DLEU7: variants seen among roughly 807,000 people sequenced by gnomAD.
DLEU7 encodes deleted in lymphocytic leukemia 7, also known as leukemia-associated protein 7.
In DLEU7, 17 loss-of-function variants were observed where a neutral mutation model predicts 16.0. The observed-to-expected ratio is 1.06, with a 90% confidence interval of 0.73 to 1.59. DLEU7 has a LOEUF of 1.59. Ranked by LOEUF, DLEU7 falls within the 40% of genes most tolerant of loss-of-function variation. The probability of loss-of-function intolerance (pLI) is 0.00; values close to 1 mark genes in which losing one functional copy is unlikely to be tolerated. For synonymous variants in DLEU7, 113 were observed against 139.8 expected, an observed-to-expected ratio of 0.81 and a Z score of 1.35; for missense variants, 308 against 314.9, an observed-to-expected ratio of 0.98 and a Z score of 0.17.
At chr13:50,811,103 A>T (rs1326154911) in intron 1 of DLEU7, among the ~76,000 whole-genome samples, 1 of 152,164 alleles carries the variant, frequency 6.6e-6, no homozygotes, top group Admixed American at 6.5e-5. Context: ...AGCTGGAAGC[A>T]CCTACCAGGG....
intron 1 of DLEU7, among the ~76,000 whole-genome samples, chr13:50,740,059 A>T (rs750431541): frequency 9.2e-5 from 14 of 152,152 alleles, no homozygotes; most frequent in Non-Finnish European, 1.6e-4. Context: ...CTTAGTCCTG[A>T]CAGGAATTTA....
chr13:50,733,019 C>T (rs759269356), intron 1 of DLEU7, among the ~76,000 whole-genome samples: 6 of 152,112 alleles, frequency 3.9e-5, no homozygotes, highest in Non-Finnish European at 5.9e-5. Context: ...GGTTATCAAA[C>T]GCACACGCAT....
intron 1 of DLEU7, among the ~76,000 whole-genome samples, chr13:50,719,389 T>A (rs1248094709): frequency 1.3e-5 from 2 of 152,194 alleles, no homozygotes; most frequent in African/African-American, 4.8e-5. Flanking sequence ...TTGGCAGAGG[T>A]GCAAATTCTT....
At chr13:50,738,571 AC>A in intron 1 of DLEU7, among the ~76,000 whole-genome samples, 1 of 152,276 alleles carries the variant, frequency 6.6e-6, no homozygotes, top group Middle Eastern at 3.4e-3. Context: ...AATGACAAGA[AC>A]CTGCCTGATT....
At chr13:50,740,525 A>C (rs1566234759) in intron 1 of DLEU7, among the ~76,000 whole-genome samples, 1 of 152,164 alleles carries the variant, frequency 6.6e-6, no homozygotes, top group Non-Finnish European at 1.5e-5. Flanking sequence ...AAAACTTCAC[A>C]AAACAGTATA....
Position 50,843,055 on chromosome 13 carries a change from CACTGGGGCTGAATCA to C in DLEU7, c.459+118_459+132del. The C allele has an allele frequency of 1.1e-6, 1 of 945,060 alleles. No homozygotes were observed. Among genetic ancestry groups the C allele is most frequent in the East Asian group, 3.3e-5 (1 of 30,314 alleles). 58.5% of individuals were successfully genotyped at this position (945,060 alleles called of 1,614,324 possible). ...GTGTCCCCCGCCCCCTTCCTTCTCC[CACTGGGGCTGAATCA>C]CAGTGGGCAGCAGTGTTTGGGATCC... On this transcript the variant is annotated intron_variant, in intron 1 of 1. Transcript: ENST00000504404. The surrounding 1 kb of genome is among the most constrained non-coding windows in gnomAD (Gnocchi z 5.7).
chr13:50,721,424 T>A (rs1166082315), intron 1 of DLEU7, among the ~76,000 whole-genome samples: 1 of 152,106 alleles, frequency 6.6e-6, no homozygotes, highest in Non-Finnish European at 1.5e-5. Flanking sequence ...CACATATACA[T>A]CTATCTTATT....
chr13:50,791,356 C>A (rs1247088072), intron 1 of DLEU7, among the ~76,000 whole-genome samples: 1 of 152,122 alleles, frequency 6.6e-6, no homozygotes, highest in African/African-American at 2.4e-5. Flanking sequence ...CAGGAGGTGA[C>A]CATGTGAGGT....
At chr13:50,836,212 G>A (rs1877454800) in intron 1 of DLEU7, among the ~76,000 whole-genome samples, 1 of 152,160 alleles carries the variant, frequency 6.6e-6, no homozygotes, top group Non-Finnish European at 1.5e-5. Context: ...GCCTCCACAA[G>A]CTTGTTTCTT....
intron 1 of DLEU7, among the ~76,000 whole-genome samples, chr13:50,791,030 G>A (rs562558241): frequency 3.7e-4 from 57 of 152,262 alleles, no homozygotes; most frequent in Admixed American, 1.9e-3. Flanking sequence ...TAAGAAGACC[G>A]AGTGGGCGAG....
chr13:50,721,952 T>A (rs1873630423), intron 1 of DLEU7, among the ~76,000 whole-genome samples: 1 of 152,148 alleles, frequency 6.6e-6, no homozygotes. Flanking sequence ...CATTCATTCT[T>A]CAAATATATG....
chr13:50,767,785 C>T (rs1875166239), intron 1 of DLEU7, among the ~76,000 whole-genome samples: 1 of 152,164 alleles, frequency 6.6e-6, no homozygotes, highest in East Asian at 1.9e-4. Context: ...CAGAAAGCTC[C>T]AGGAGACACC....
intron 1 of DLEU7, among the ~76,000 whole-genome samples, chr13:50,744,076 G>T (rs886080128): frequency 8.5e-5 from 13 of 152,158 alleles, no homozygotes; most frequent in African/African-American, 3.1e-4. Flanking sequence ...ATATGCTTCT[G>T]TTCCCATTTG....
intron 1 of DLEU7, among the ~76,000 whole-genome samples, chr13:50,749,699 G>A (rs991320232): frequency 2.6e-5 from 4 of 152,034 alleles, no homozygotes; most frequent in Admixed American, 6.5e-5. Flanking sequence ...GTAATGTTGA[G>A]CATTTTTTCA....
chr13:50,723,766 A>C (rs1873687232), intron 1 of DLEU7, among the ~76,000 whole-genome samples: 3 of 151,942 alleles, frequency 2.0e-5, no homozygotes, highest in Admixed American at 6.6e-5. Context: ...ATCACATTGG[A>C]GCTTAGGGCT....
chr13:50,764,937 C>T (rs1779239303), intron 1 of DLEU7, among the ~76,000 whole-genome samples: 1 of 151,998 alleles, frequency 6.6e-6, no homozygotes, highest in Non-Finnish European at 1.5e-5. Flanking sequence ...GGCTGGAGTG[C>T]AGTGGGGCAA....
intron 1 of DLEU7, among the ~76,000 whole-genome samples, chr13:50,729,082 C>T (rs1052569886): frequency 5.3e-5 from 8 of 152,066 alleles, no homozygotes; most frequent in Non-Finnish European, 1.0e-4. Flanking sequence ...CACGTAGGTA[C>T]ATTGGTTTCA....
At chr13:50,729,379 T>C (rs185075265) in intron 1 of DLEU7, among the ~76,000 whole-genome samples, 158 of 152,352 alleles carry the variant, frequency 1.0e-3, no homozygotes, top group Middle Eastern at 6.8e-3. Context: ...TTTTCATGGC[T>C]GCATAGTATT....
intron 1 of DLEU7, among the ~76,000 whole-genome samples, chr13:50,827,244 G>A (rs1877115731): frequency 6.6e-6 from 1 of 152,166 alleles, no homozygotes; most frequent in Non-Finnish European, 1.5e-5. Context: ...GGCACTCTAA[G>A]CACTGTATTA....
Sources: gnomAD v4.1 joint callset for allele counts (sites outside exome capture counted in the v4.1 genomes callset) on GRCh38, gnomAD v4.1.1 for gene constraint, Gnocchi (gnomAD v3.1) non-coding constraint, MANE v1.5 for transcripts, NCBI Gene and HGNC (gene_info 2026-07-23, HGNC 2026-07-21) for gene names.